The following TBX5 variants were observed in gnomAD, a reference collection of about 807,000 sequenced individuals.
The protein encoded by TBX5 is T-box transcription factor 5, also known as T-box transcription factor TBX5.
In TBX5, 8 loss-of-function variants were observed where a neutral mutation model predicts 51.1. That is an observed-to-expected ratio of 0.16 (90% CI 0.09 to 0.28). The LOEUF is 0.28. TBX5 is among the 10% of genes least tolerant of loss of function. The probability of loss-of-function intolerance (pLI) is 1.00; values close to 1 mark genes in which losing one functional copy is unlikely to be tolerated. For synonymous variants in TBX5, 302 were observed against 266.4 expected (o/e 1.13, Z -1.30); for missense variants, 589 against 671.7 (o/e 0.88, Z 1.36).
At chr12:114,404,175 C>T (rs1410578142) in intron 1 of TBX5, among the ~76,000 whole-genome samples, 1 of 152,098 alleles carries the variant, frequency 6.6e-6, no homozygotes, top group African/African-American at 2.4e-5. Context: ...GCAAAAGACC[C>T]GCGTCAGACC....
chr12:114,391,397 G>A (rs1249534603), intron 6 of TBX5, among the ~76,000 whole-genome samples: 1 of 152,200 alleles, frequency 6.6e-6, no homozygotes, highest in South Asian at 2.1e-4. Context: ...TCCGAAGTCT[G>A]TGTTTTGGAT....
chr12:114,394,945 C>T, intron 5 of TBX5, 52 bp from the exon 6 acceptor site: 2 of 1,590,224 alleles, frequency 1.3e-6, no homozygotes, highest in South Asian at 1.1e-5. Flanking sequence ...CTCCCTTTGT[C>T]TCCAGATAAA....
In TBX5 at chr12:114,398,541, A is replaced by G. The variant is rs1308842237; in HGVS notation, c.510+32T>C. 1.9e-6 allele frequency: 3 copies of G among 1,606,666 alleles called. No individual in the cohort carries two copies. The African/African-American group carries it at 4.0e-5, about 21-fold the overall frequency. On this transcript the variant is annotated intron_variant, in intron 5 of 8. Transcript: ENST00000405440. Reference sequence around the variant, plus strand: ...AGAAGGGAGAGAGGACAAGAGGGAGACAAGGCGGGGAATCCAGGCCACGGT... The same window carrying G: ...AGAAGGGAGAGAGGACAAGAGGGAGGCAAGGCGGGGAATCCAGGCCACGGT...
At chr12:114,398,448 G>A (rs1013629530) in intron 5 of TBX5, 125 bp downstream of exon 5, 39 of 1,384,370 alleles carry the variant, frequency 2.8e-5, no homozygotes, top group South Asian at 8.8e-5. Flanking sequence ...GAAAGTGGGG[G>A]AAAATGGAGG....
intron 6 of TBX5, among the ~76,000 whole-genome samples, chr12:114,389,749 G>A (rs539684872): frequency 6.8e-5 from 5 of 73,156 alleles, no homozygotes; most frequent in East Asian, 4.5e-4. Flanking sequence ...GCGAGACTCC[G>A]TCTCAAAAAA....
chr12:114,384,142 C>T (rs1308167107), intron 7 of TBX5, among the ~76,000 whole-genome samples: 1 of 152,080 alleles, frequency 6.6e-6, no homozygotes, highest in Non-Finnish European at 1.5e-5. Flanking sequence ...CAGAACTTGC[C>T]TATTTTAGCC....
chr12:114,406,985 C>A (rs190499629), upstream of TBX5: 80 of 909,578 alleles, frequency 8.8e-5, 1 homozygote, highest in African/African-American at 1.4e-3. Flanking sequence ...TGTTCTGTTT[C>A]CCATCCTTAC....
At chr12:114,386,865 G>T (rs1005113076) in intron 6 of TBX5, among the ~76,000 whole-genome samples, 3 of 151,956 alleles carry the variant, frequency 2.0e-5, no homozygotes, top group South Asian at 4.2e-4. Flanking sequence ...AAGCCAAGGT[G>T]GGTGGATAAC....
intron 8 of TBX5, among the ~76,000 whole-genome samples, chr12:114,364,157 T>C (rs185547704): frequency 2.6e-5 from 4 of 152,360 alleles, no homozygotes; most frequent in African/African-American, 9.6e-5. Context: ...AGTCAAACTA[T>C]GTTACTTTCC....
intron 6 of TBX5, among the ~76,000 whole-genome samples, chr12:114,391,708 A>G (rs994609333): frequency 2.6e-5 from 4 of 152,214 alleles, no homozygotes; most frequent in African/African-American, 9.6e-5. Context: ...TCTACGCATG[A>G]AGTCAGAAGT....
intron 8 of TBX5, among the ~76,000 whole-genome samples, chr12:114,359,208 G>A (rs1183207233): frequency 1.3e-5 from 2 of 152,090 alleles, no homozygotes; most frequent in Non-Finnish European, 2.9e-5. Context: ...CTCAATCTTG[G>A]CTTATTGATG....
chr12:114,390,227 A>G (rs1224081199), intron 6 of TBX5, among the ~76,000 whole-genome samples: 2 of 152,276 alleles, frequency 1.3e-5, no homozygotes, highest in African/African-American at 4.8e-5. Context: ...TCAACATACA[A>G]CATACATTGT....
intron 7 of TBX5, among the ~76,000 whole-genome samples, chr12:114,382,409 A>G (rs1340096170): frequency 6.6e-6 from 1 of 152,224 alleles, no homozygotes; most frequent in Non-Finnish European, 1.5e-5. Context: ...AATGTCTGTA[A>G]TCCCAGCACT....
intron 7 of TBX5, among the ~76,000 whole-genome samples, chr12:114,383,575 C>T (rs1210291118): frequency 2.6e-5 from 4 of 152,118 alleles, no homozygotes; most frequent in Admixed American, 2.6e-4. Flanking sequence ...ACAAAGATCT[C>T]TTTGGTGGCT....
At chr12:114,372,981 T>C (rs12231030) in intron 7 of TBX5, among the ~76,000 whole-genome samples, 4,497 of 143,126 alleles carry the variant, frequency 0.031, 341 homozygotes, top group Non-Finnish European at 0.047. Context: ...TATATATACA[T>C]ACACACACAC....
chr12:114,362,654 A>ATTTAT (rs745839963), intron 8 of TBX5, among the ~76,000 whole-genome samples: 208 of 152,136 alleles, frequency 1.4e-3, no homozygotes, highest in Non-Finnish European at 2.3e-3. Flanking sequence ...GCATTCAATC[A>ATTTAT]TTTATTTTAT....
At chr12:114,404,117 G>C (rs1319016356) in intron 1 of TBX5, among the ~76,000 whole-genome samples, 181 bp from the exon 2 acceptor site, 4 of 152,184 alleles carry the variant, frequency 2.6e-5, no homozygotes, top group Non-Finnish European at 5.9e-5. Context: ...ACTGTTACTA[G>C]TATTCCTAGT....
intron 8 of TBX5, 45 bp downstream of exon 8, chr12:114,366,120 A>G (rs779274382): frequency 6.3e-7 from 1 of 1,598,768 alleles, no homozygotes; most frequent in Non-Finnish European, 8.6e-7. Flanking sequence ...AAGGAAAGGA[A>G]AAGGTAAGAA....
At chr12:114,368,694 ACT>A (rs1367467197) in intron 7 of TBX5, among the ~76,000 whole-genome samples, 1 of 151,914 alleles carries the variant, frequency 6.6e-6, no homozygotes, top group Non-Finnish European at 1.5e-5. Flanking sequence ...GGGGTACAAG[ACT>A]CTTTCTACTT....
Sources: allele counts gnomAD v4.1 joint callset (sites outside exome capture counted in the v4.1 genomes callset), GRCh38; gene constraint gnomAD v4.1.1; transcripts MANE v1.5; gene names NCBI Gene and HGNC (gene_info 2026-07-23, HGNC 2026-07-21).